The following MCC variants were observed in gnomAD, a reference collection of about 807,000 sequenced individuals.
MCC encodes MCC regulator of Wnt signaling pathway.
Under a neutral mutation model 116.2 loss-of-function variants are expected in MCC, and 90 were observed. That is an observed-to-expected ratio of 0.77 (90% CI 0.65 to 0.92). MCC has a LOEUF of 0.92. MCC is among the 40% of genes least tolerant of loss of function. The pLI, the probability that MCC is intolerant of heterozygous loss-of-function variation, is 0.00. For missense variants in MCC, 1,516 were observed against 1,312.2 expected (o/e 1.16, Z -2.40); for synonymous variants, 578 against 510.5 (o/e 1.13, Z -1.78).
chr5:113,293,706 T>C (rs972877350), intron 3 of MCC, among the ~76,000 whole-genome samples: 3 of 152,094 alleles, frequency 2.0e-5, no homozygotes, highest in Non-Finnish European at 4.4e-5. Flanking sequence ...AGCCCAGGAA[T>C]TGCAAATGCG....
chr5:113,341,705 T>C (rs908285547), intron 2 of MCC, among the ~76,000 whole-genome samples: 1 of 152,194 alleles, frequency 6.6e-6, no homozygotes, highest in Non-Finnish European at 1.5e-5. Flanking sequence ...TTGGAAACCA[T>C]GTGGTACAGA....
chr5:113,463,612 G>A (rs776785269), intron 1 of MCC, among the ~76,000 whole-genome samples: 6 of 152,120 alleles, frequency 3.9e-5, no homozygotes, highest in Non-Finnish European at 7.4e-5. Flanking sequence ...TAGTTTTGTG[G>A]GAAGAATCCT....
rs917679529 is a variant in MCC at position 113,488,417 on chromosome 5, G to A, written c.-3C>T. ...GCTGCCGCCGCGGCCGCCATCATGCGCCCGCTCCCTACTTGGGAGGAGGAG... is the reference window on the plus strand; with the variant it reads ...GCTGCCGCCGCGGCCGCCATCATGCACCCGCTCCCTACTTGGGAGGAGGAG... On this transcript the variant is annotated 5_prime_UTR_variant, in exon 1 of 19. Coordinates refer to ENST00000408903, the MANE Select transcript of MCC (RefSeq NM_001085377.2). 3.6e-6 allele frequency: 5 copies of A among 1,400,630 alleles called. No homozygotes were observed. The highest frequency in any genetic ancestry group is 9.2e-7 in the Non-Finnish European group (1 of 1,090,288). 86.8% of individuals were successfully genotyped at this position (1,400,630 alleles called of 1,614,324 possible).
Position 113,096,856 on chromosome 5 carries a change from T to C in MCC, c.1398+4883A>G, listed in dbSNP as rs146375711. Among the ~76,000 whole-genome samples, 3 of 152,182 alleles carry C rather than the reference T, an allele frequency of 2.0e-5. No individual in the cohort carries two copies. The East Asian group carries it at 5.8e-4, about 30-fold the overall frequency. ...AAATCTAGCCTCATACTGACTAATATACCAGCCATACAAAAGAAGAGCCAC... is the reference window on the plus strand; with the variant it reads ...AAATCTAGCCTCATACTGACTAATACACCAGCCATACAAAAGAAGAGCCAC... On this transcript the variant is annotated intron_variant, in intron 8 of 18. Transcript: ENST00000408903.
At chr5:113,263,149 G>C (rs192734671) in intron 3 of MCC, among the ~76,000 whole-genome samples, 12 of 152,172 alleles carry the variant, frequency 7.9e-5, no homozygotes, top group African/African-American at 2.9e-4. Flanking sequence ...ATAAGCAGGA[G>C]AGTGCTGTTG....
chr5:113,032,921 T>A (rs1427486047), intron 17 of MCC, among the ~76,000 whole-genome samples: 3 of 152,212 alleles, frequency 2.0e-5, no homozygotes, highest in African/African-American at 4.8e-5. Flanking sequence ...AGTTACCCTA[T>A]AACGTCTAAA....
At chr5:113,092,999 G>A (rs1338024870) in intron 8 of MCC, among the ~76,000 whole-genome samples, 1 of 152,206 alleles carries the variant, frequency 6.6e-6, no homozygotes, top group Non-Finnish European at 1.5e-5. Flanking sequence ...TAGAATGCTA[G>A]ATGTCCTTAG....
chr5:113,453,739 TA>T (rs1771465159), intron 1 of MCC, among the ~76,000 whole-genome samples: 1 of 152,218 alleles, frequency 6.6e-6, no homozygotes, highest in African/African-American at 2.4e-5. Context: ...GAGGACACTC[TA>T]AATCCTGTTT....
At chr5:113,083,101 G>C in intron 10 of MCC, 93 bp from the exon 11 acceptor site, 2 of 1,260,212 alleles carry the variant, frequency 1.6e-6, no homozygotes, top group Middle Eastern at 2.0e-4. Context: ...TATTCCGTGA[G>C]AATCGGGGAC....
chr5:113,053,658 G>A, intron 15 of MCC, 67 bp downstream of exon 15: 3 of 1,158,932 alleles, frequency 2.6e-6, no homozygotes, highest in African/African-American at 1.5e-5. Context: ...TGCTGGACCT[G>A]CTTTCAGAGG....
chr5:113,294,762 G>C (rs1766656699), intron 3 of MCC: 3 of 990,724 alleles, frequency 3.0e-6, no homozygotes, highest in Non-Finnish European at 3.6e-6. Context: ...AGGATGGAGG[G>C]CACTTCCCAG....
intron 17 of MCC, among the ~76,000 whole-genome samples, chr5:113,042,963 T>C (rs1343625790): frequency 1.3e-5 from 2 of 152,176 alleles, no homozygotes; most frequent in Admixed American, 1.3e-4. Context: ...ACAATGCTGC[T>C]GTAGCACCCG....
At chr5:113,167,338 C>T (rs556614069) in intron 3 of MCC, among the ~76,000 whole-genome samples, 3 of 152,262 alleles carry the variant, frequency 2.0e-5, no homozygotes, top group South Asian at 4.2e-4. Flanking sequence ...GTGAAATTTG[C>T]GCACTTCATT....
At chr5:113,070,533 T>C (rs896450351) in intron 12 of MCC, among the ~76,000 whole-genome samples, 17 of 152,214 alleles carry the variant, frequency 1.1e-4, no homozygotes, top group African/African-American at 3.6e-4. Context: ...TCCTTTGACC[T>C]ACAATTCCTG....
intron 3 of MCC, among the ~76,000 whole-genome samples, chr5:113,255,465 C>A (rs1267057044): frequency 6.6e-6 from 1 of 152,164 alleles, no homozygotes; most frequent in East Asian, 1.9e-4. Context: ...ACTTCGGTTG[C>A]ATATTTTTTT....
At chr5:113,071,264 T>G (rs750669560) in intron 11 of MCC, 30 bp from the exon 12 acceptor site, 10 of 1,607,010 alleles carry the variant, frequency 6.2e-6, no homozygotes, top group Non-Finnish European at 8.5e-6. Context: ...AGATTCACAC[T>G]AGGGTTACAG....
At chr5:113,344,001 G>A (rs915034869) in intron 2 of MCC, among the ~76,000 whole-genome samples, 2 of 152,156 alleles carry the variant, frequency 1.3e-5, no homozygotes. Flanking sequence ...ACCTGGTTTT[G>A]ACTTCCTCTC....
intron 2 of MCC, among the ~76,000 whole-genome samples, chr5:113,355,291 C>G (rs1768383846): frequency 6.6e-6 from 1 of 152,142 alleles, no homozygotes; most frequent in East Asian, 1.9e-4. Context: ...GGGAATTTGC[C>G]TTCTTTCAAC....
At chr5:113,068,857 A>G (rs947368881) in intron 12 of MCC, among the ~76,000 whole-genome samples, 2 of 152,212 alleles carry the variant, frequency 1.3e-5, no homozygotes, top group Non-Finnish European at 2.9e-5. Flanking sequence ...CAGCTTGACC[A>G]GAATCTCACA....
Sources: gnomAD v4.1 joint callset for allele counts (sites outside exome capture counted in the v4.1 genomes callset) on GRCh38, gnomAD v4.1.1 for gene constraint, MANE v1.5 for transcripts, NCBI Gene and HGNC (gene_info 2026-07-23, HGNC 2026-07-21) for gene names.